RANBP17: variants seen among roughly 807,000 people sequenced by gnomAD.
RANBP17 encodes RAN binding protein 17, also known as ran-binding protein 17.
In RANBP17, 158 loss-of-function variants were observed where a neutral mutation model predicts 141.2. That is an observed-to-expected ratio of 1.12 (90% CI 0.98 to 1.28). RANBP17 has a LOEUF of 1.28. RANBP17 is among the 50% of genes most tolerant of loss of function. The pLI, the probability that RANBP17 is intolerant of heterozygous loss-of-function variation, is 0.00. For missense variants in RANBP17, 1,438 were observed against 1,290.7 expected, an observed-to-expected ratio of 1.11 and a Z score of -1.75; for synonymous variants, 430 against 450.0, an observed-to-expected ratio of 0.96 and a Z score of 0.56.
chr5:171,030,554 C>T (rs904476009), intron 14 of RANBP17, among the ~76,000 whole-genome samples: 1 of 151,890 alleles, frequency 6.6e-6, no homozygotes, highest in African/African-American at 2.4e-5. Flanking sequence ...AATTATTTCC[C>T]ACTAGATCAT....
At chr5:171,167,933 A>G (rs1461086596) in intron 14 of RANBP17, among the ~76,000 whole-genome samples, 2 of 152,220 alleles carry the variant, frequency 1.3e-5, no homozygotes, top group Non-Finnish European at 2.9e-5. Flanking sequence ...TGTAGAATCC[A>G]ATATGTGCTT....
intron 14 of RANBP17, chr5:170,983,112 A>C (rs1446478664): frequency 1.9e-6 from 1 of 522,624 alleles, no homozygotes; most frequent in Admixed American, 2.3e-5. Flanking sequence ...GTAAACCAAG[A>C]AAAGAGGAAG....
chr5:170,910,825 A>G (rs1228645976), intron 6 of RANBP17, 144 bp from the exon 7 acceptor site: 10 of 740,800 alleles, frequency 1.3e-5, no homozygotes, highest in South Asian at 4.1e-5. Flanking sequence ...AGAAGGTAAC[A>G]TTACTTCCTT....
intron 24 of RANBP17, chr5:171,252,266 G>A (rs758199324): frequency 1.2e-5 from 19 of 1,559,320 alleles, no homozygotes; most frequent in South Asian, 2.3e-5. Flanking sequence ...CAAAATGGCC[G>A]CTTACCTAAT....
intron 14 of RANBP17, among the ~76,000 whole-genome samples, chr5:171,137,603 T>TGC (rs1417285427): frequency 1.7e-4 from 24 of 143,652 alleles, no homozygotes; most frequent in African/African-American, 6.7e-4. Context: ...TGTGTGTGTG[T>TGC]GTCTGTGTGT....
chr5:171,007,522 C>T lies in RANBP17; in HGVS notation c.1710+39145C>T, dbSNP rs558415622. On this transcript the variant is annotated intron_variant, in intron 14 of 27. Transcript: ENST00000523189. ...GAAAAGGAAGATTCACAAGACTCAG[C>T]GATGCTTGGGGTTGGGACTGAAGGG... Among the ~76,000 whole-genome samples, 5 of 151,986 alleles carry T rather than the reference C, an allele frequency of 3.3e-5. No homozygotes were observed. The East Asian group carries it at 5.8e-4, about 18-fold the overall frequency.
chr5:170,932,641 G>C (rs1475151724), intron 12 of RANBP17, among the ~76,000 whole-genome samples: 1 of 152,038 alleles, frequency 6.6e-6, no homozygotes, highest in East Asian at 1.9e-4. Flanking sequence ...TTTGTCAAAG[G>C]CCTTTTCTGC....
intron 14 of RANBP17, among the ~76,000 whole-genome samples, chr5:171,004,464 T>G (rs1386783706): frequency 6.6e-6 from 1 of 152,096 alleles, no homozygotes; most frequent in Non-Finnish European, 1.5e-5. Context: ...TTTTGAAGCT[T>G]GGCCATCAAT....
At chr5:171,251,483 A>C (rs1246062502) in intron 24 of RANBP17, among the ~76,000 whole-genome samples, 1 of 152,098 alleles carries the variant, frequency 6.6e-6, no homozygotes, top group Admixed American at 6.5e-5. Context: ...TATACAAATA[A>C]ATGGAAATTA....
At chr5:171,153,920 G>A (rs1427212131) in intron 14 of RANBP17, among the ~76,000 whole-genome samples, 1 of 151,858 alleles carries the variant, frequency 6.6e-6, no homozygotes, top group African/African-American at 2.4e-5. Context: ...CCAGCTACTC[G>A]GGAGGGTGAG....
chr5:170,970,763 C>T (rs924917978), intron 14 of RANBP17: 40 of 152,090 alleles, frequency 2.6e-4, no homozygotes, highest in Admixed American at 2.6e-3. Flanking sequence ...GAGACCCCAT[C>T]CTTTAGTATC....
At chr5:171,202,350 G>T (rs984089435) in intron 19 of RANBP17, among the ~76,000 whole-genome samples, 1 of 152,014 alleles carries the variant, frequency 6.6e-6, no homozygotes, top group Non-Finnish European at 1.5e-5. Context: ...CCCCTGACTC[G>T]TGCATCGTTT....
chr5:171,256,808 A>G (rs1765927908), intron 24 of RANBP17, among the ~76,000 whole-genome samples: 1 of 152,178 alleles, frequency 6.6e-6, no homozygotes, highest in Non-Finnish European at 1.5e-5. Flanking sequence ...AAGCCTAGAA[A>G]AAAATGGATA....
intron 14 of RANBP17, among the ~76,000 whole-genome samples, chr5:171,050,984 C>G (rs1480465246): frequency 6.6e-6 from 1 of 152,136 alleles, no homozygotes; most frequent in Non-Finnish European, 1.5e-5. Flanking sequence ...CTTTCCCTTT[C>G]AGCATTTTAA....
intron 14 of RANBP17, among the ~76,000 whole-genome samples, chr5:171,088,370 A>T (rs1581602079): frequency 6.6e-6 from 1 of 151,876 alleles, no homozygotes; most frequent in African/African-American, 2.4e-5. Flanking sequence ...AAGTAACATG[A>T]CCTTTCTCTC....
intron 14 of RANBP17, among the ~76,000 whole-genome samples, chr5:171,020,201 T>G (rs955958898): frequency 6.6e-6 from 1 of 152,190 alleles, no homozygotes; most frequent in Non-Finnish European, 1.5e-5. Context: ...GTGATTGATT[T>G]CAGAGTAAGT....
chr5:170,862,348 C>T (rs1766866248), intron 1 of RANBP17, among the ~76,000 whole-genome samples: 1 of 152,152 alleles, frequency 6.6e-6, no homozygotes, highest in African/African-American at 2.4e-5. Context: ...CGGACGCCGG[C>T]AGCACGCTCG....
chr5:170,997,013 A>G (rs1290621139), intron 14 of RANBP17, among the ~76,000 whole-genome samples: 2 of 152,168 alleles, frequency 1.3e-5, no homozygotes, highest in Non-Finnish European at 2.9e-5. Flanking sequence ...ATGTGTCAAA[A>G]GAGAGACCAG....
At chr5:171,119,736 T>G (rs974393526) in intron 14 of RANBP17, among the ~76,000 whole-genome samples, 21 of 152,086 alleles carry the variant, frequency 1.4e-4, no homozygotes, top group African/African-American at 5.1e-4. Context: ...TTTTTGCAGA[T>G]GCTTAAAAAG....
Sources: allele counts gnomAD v4.1 joint callset (sites outside exome capture counted in the v4.1 genomes callset), GRCh38; gene constraint gnomAD v4.1.1; transcripts MANE v1.5; gene names NCBI Gene and HGNC (gene_info 2026-07-23, HGNC 2026-07-21).